ZFAT: variants seen among roughly 807,000 people sequenced by gnomAD.
ZFAT encodes zinc finger protein ZFAT.
A neutral mutation model predicts 117.7 loss-of-function variants in ZFAT; 64 were observed. The ratio of observed to expected loss-of-function variants is 0.54; its 90% confidence interval spans 0.44 to 0.67. The LOEUF is 0.67. Ranked by LOEUF, ZFAT falls within the 30% of genes least tolerant of loss-of-function variation. The pLI, the probability that ZFAT is intolerant of heterozygous loss-of-function variation, is 0.00. For synonymous variants in ZFAT, 679 were observed against 615.0 expected (o/e 1.10, Z -1.54); for missense variants, 1,433 against 1,584.5 (o/e 0.90, Z 1.62).
intron 10 of ZFAT, among the ~76,000 whole-genome samples, chr8:134,572,083 G>T (rs910708330): frequency 2.0e-5 from 3 of 152,158 alleles, no homozygotes; most frequent in African/African-American, 7.2e-5. Context: ...GAAAATAAGG[G>T]AATGGTTACA....
chr8:134,758,694 C>T, the ZFAT span, among the ~76,000 whole-genome samples: 3 of 152,244 alleles, frequency 2.0e-5, no homozygotes, highest in African/African-American at 7.2e-5. Context: ...GGCAACTTAT[C>T]AGCGAATGTG....
intron 10 of ZFAT, among the ~76,000 whole-genome samples, chr8:134,581,311 A>C (rs1013968366): frequency 1.3e-5 from 2 of 152,162 alleles, no homozygotes; most frequent in Non-Finnish European, 2.9e-5. Context: ...CAAATAATGA[A>C]GTACAGCAGC....
chr8:134,744,219 T>A, the ZFAT span, among the ~76,000 whole-genome samples: 1 of 152,046 alleles, frequency 6.6e-6, no homozygotes, highest in Non-Finnish European at 1.5e-5. Flanking sequence ...TATGACCGTA[T>A]GACTGAGGCC....
the ZFAT span, among the ~76,000 whole-genome samples, chr8:134,829,277 A>C: frequency 6.6e-6 from 1 of 152,226 alleles, no homozygotes; most frequent in African/African-American, 2.4e-5. Context: ...TTTTAAGCTC[A>C]TTAGTTATTG....
intron 15 of ZFAT, among the ~76,000 whole-genome samples, chr8:134,495,030 G>T (rs1229499937): frequency 6.6e-6 from 1 of 152,062 alleles, no homozygotes; most frequent in African/African-American, 2.4e-5. Context: ...CTCTCTTTTG[G>T]CCTGGTCTTA....
At chr8:134,626,452 G>A (rs982579536) in intron 3 of ZFAT, among the ~76,000 whole-genome samples, 8 of 152,194 alleles carry the variant, frequency 5.3e-5, no homozygotes. Context: ...AAAGAGAATG[G>A]TGCCCTGCCC....
At chr8:134,500,700 G>T (rs907704075) in intron 15 of ZFAT, among the ~76,000 whole-genome samples, 3 of 152,166 alleles carry the variant, frequency 2.0e-5, no homozygotes, top group Non-Finnish European at 4.4e-5. Context: ...CAAAGAAAAA[G>T]AAAAGGTTCA....
At chr8:134,530,410 T>C (rs530259100) in intron 12 of ZFAT, among the ~76,000 whole-genome samples, 1 of 152,354 alleles carries the variant, frequency 6.6e-6, no homozygotes, top group East Asian at 1.9e-4. Context: ...TCTGGTTTCA[T>C]GTTCTCCTTT....
chr8:134,696,606 C>T (rs999160034), intron 1 of ZFAT: 11 of 986,264 alleles, frequency 1.1e-5, no homozygotes, highest in East Asian at 1.1e-4. Flanking sequence ...ACCACCCACC[C>T]GCGCTTCTCT....
the ZFAT span, among the ~76,000 whole-genome samples, chr8:134,763,626 A>G: frequency 6.6e-6 from 1 of 152,228 alleles, no homozygotes; most frequent in Admixed American, 6.5e-5. Flanking sequence ...CCTCAAGTAC[A>G]GGAATTTTTA....
intron 7 of ZFAT, among the ~76,000 whole-genome samples, chr8:134,593,189 CAGG>C (rs1462445399): frequency 6.6e-6 from 1 of 152,198 alleles, no homozygotes; most frequent in Non-Finnish European, 1.5e-5. Flanking sequence ...AAGGGCTTTG[CAGG>C]AGTTTACGGT....
chr8:134,495,884 C>T (rs945014806), intron 15 of ZFAT, among the ~76,000 whole-genome samples: 33 of 152,064 alleles, frequency 2.2e-4, no homozygotes, highest in African/African-American at 8.0e-4. Flanking sequence ...GAGCCATAAT[C>T]ACGCCACTGT....
intron 4 of ZFAT, among the ~76,000 whole-genome samples, chr8:134,609,167 C>A (rs200607756): frequency 6.7e-6 from 1 of 148,588 alleles, no homozygotes; most frequent in Non-Finnish European, 1.5e-5. Flanking sequence ...CACACACACA[C>A]ATATACATAT....
At position 134,590,369 on chromosome 8, in the gene ZFAT, G is replaced by A. The variant is rs141077144; in HGVS notation, c.2476-14C>T. 9,471 of 1,585,088 alleles carry A rather than the reference G, an allele frequency of 6.0e-3. 38 individuals are homozygous for A. The highest frequency in any genetic ancestry group is 7.5e-3 in the Non-Finnish European group (8,641 of 1,158,530). ...ACTCCTTTTGTCCTTAATAGAAAGA[G>A]AACATAATCAGTTGACTTTCTCATT... On this transcript the variant is annotated splice_polypyrimidine_tract_variant and intron_variant, in intron 7 of 15. Transcript: ENST00000377838.
At chr8:134,739,378 G>T in the ZFAT span, among the ~76,000 whole-genome samples, 7 of 152,078 alleles carry the variant, frequency 4.6e-5, no homozygotes, top group Non-Finnish European at 7.4e-5. Context: ...AAATGGAAGA[G>T]AAAATTGCAG....
intron 13 of ZFAT, among the ~76,000 whole-genome samples, chr8:134,514,572 G>A (rs1447270629): frequency 1.3e-5 from 2 of 152,054 alleles, no homozygotes; most frequent in African/African-American, 4.8e-5. Context: ...GAGCTCTCAG[G>A]GATTATCAGC....
At chr8:134,536,374 G>A (rs899863348) in intron 11 of ZFAT, among the ~76,000 whole-genome samples, 1 of 152,204 alleles carries the variant, frequency 6.6e-6, no homozygotes, top group Non-Finnish European at 1.5e-5. Flanking sequence ...GCTGACCAGT[G>A]CAGGGGGAGT....
At chr8:134,693,708 C>T (rs35082558) in intron 1 of ZFAT, among the ~76,000 whole-genome samples, 15,638 of 152,176 alleles carry the variant, frequency 0.1, 1,046 homozygotes, top group Non-Finnish European at 0.16. Flanking sequence ...CATCCTGATG[C>T]TAACCAAGTC....
At chr8:134,508,539 A>C (rs1819585061) in intron 15 of ZFAT, among the ~76,000 whole-genome samples, 2 of 152,196 alleles carry the variant, frequency 1.3e-5, no homozygotes, top group Admixed American at 6.5e-5. Context: ...CGGATGTCAG[A>C]GATCTTCCCC....
Sources: allele counts gnomAD v4.1 joint callset (sites outside exome capture counted in the v4.1 genomes callset), GRCh38; gene constraint gnomAD v4.1.1; transcripts MANE v1.5; gene names NCBI Gene and HGNC (gene_info 2026-07-23, HGNC 2026-07-21).